SLC2A9: variants seen among roughly 807,000 people sequenced by gnomAD.
SLC2A9 encodes the protein solute carrier family 2 member 9.
In SLC2A9, 39 loss-of-function variants were observed where a neutral mutation model predicts 50.6. The ratio of observed to expected loss-of-function variants is 0.77; its 90% CI spans 0.60 to 1.01. The LOEUF (loss-of-function observed/expected upper bound fraction) is 1.01. Among genes scored for constraint, SLC2A9 ranks in the 50% least tolerant of loss-of-function variants. The probability of loss-of-function intolerance (pLI) is 0.00; values close to 1 mark genes in which losing one functional copy is unlikely to be tolerated. For synonymous variants in SLC2A9, 324 were observed against 276.9 expected (o/e 1.17, Z -1.69); for missense variants, 686 against 677.6 (o/e 1.01, Z -0.14).
intron 2 of SLC2A9, among the ~76,000 whole-genome samples, chr4:10,013,916 C>T (rs532564200): frequency 2.6e-5 from 4 of 152,178 alleles, no homozygotes; most frequent in East Asian, 3.9e-4. Context: ...TCCCATGGGG[C>T]AGCATCCACA....
At chr4:9,782,010 CCCCTGCAGTCCAG>C (rs1198285048) in intron 3 of SLC2A9, 1 of 1,443,806 alleles carries the variant, frequency 6.9e-7, no homozygotes, top group African/African-American at 1.4e-5. Context: ...GCACAGACCG[CCCCTGCAGTCCAG>C]CCCGAAATGC....
intron 1 of SLC2A9, among the ~76,000 whole-genome samples, chr4:9,771,923 A>G (rs992313796): frequency 5.9e-5 from 9 of 152,168 alleles, no homozygotes; most frequent in Admixed American, 1.3e-4. Context: ...ACAGCGTTGG[A>G]ATGGGTGGAA....
Position 9,908,288 on chromosome 4 carries a change from G to A in SLC2A9, c.1060C>T (p.Pro354Ser). The change falls in exon 8 of 12, where the codon CCA (proline) becomes TCA (serine). Residue 354 changes from proline (P) to serine (S), a missense_variant. By Grantham distance (74) the Pro-to-Ser change is moderately conservative. Transcript: ENST00000264784. ...GKAGIPPAKI[P>S]YVTLSTGGIE... ...CCCCCTGTACTCAAGGTGACGTATG[G>A]GATCTTTGCCGGAGGGATCCCAGCT... is the stretch of plus-strand genomic sequence containing the variant. 6.2e-7 allele frequency: 1 copy of A among 1,614,094 alleles called. No homozygotes were observed. The highest frequency in any genetic ancestry group is 8.5e-7 in the Non-Finnish European group (1 of 1,179,978).
chr4:9,785,890 G>T (rs1719159006), intron 3 of SLC2A9, among the ~76,000 whole-genome samples: 1 of 152,202 alleles, frequency 6.6e-6, no homozygotes, highest in Non-Finnish European at 1.5e-5. Context: ...AACCCAGGGT[G>T]AGTAGGGTGG....
chr4:9,918,901 C>T (rs1743389537), intron 7 of SLC2A9, among the ~76,000 whole-genome samples: 1 of 152,186 alleles, frequency 6.6e-6, no homozygotes, highest in Non-Finnish European at 1.5e-5. Flanking sequence ...GGCCTCATGA[C>T]TGCTGGCTTT....
At chr4:9,804,997 C>A (rs1721935368) in intron 3 of SLC2A9, among the ~76,000 whole-genome samples, 1 of 152,150 alleles carries the variant, frequency 6.6e-6, no homozygotes, top group African/African-American at 2.4e-5. Context: ...ATGATGGGGC[C>A]CCAGGGGAAA....
At chr4:10,020,039 AGTGTGTGT>A (rs112964589) in intron 1 of SLC2A9, among the ~76,000 whole-genome samples, 2,190 of 148,070 alleles carry the variant, frequency 0.015, 24 homozygotes, top group African/African-American at 0.033. Flanking sequence ...CATATTTGTG[AGTGTGTGT>A]GTGTGTGTGT....
rs190407428 is a variant in SLC2A9, at chr4:9,915,628, G to A, written c.1002+4757C>T. ...GGAGGAGTCATGACAACTTGTCCAA[G>A]ATCCCATAACTCAAAAGTTCAATGT... On this transcript the variant is annotated intron_variant, in intron 7 of 11. Transcript: ENST00000264784. 4.6e-5 allele frequency among the ~76,000 whole-genome samples: 7 copies of A among 152,264 alleles called. No individual in the cohort carries two copies. The East Asian group carries it at 9.7e-4, about 21-fold the overall frequency.
chr4:9,813,907 C>A (rs1238924537), intron 3 of SLC2A9, among the ~76,000 whole-genome samples: 1 of 151,710 alleles, frequency 6.6e-6, no homozygotes, highest in Non-Finnish European at 1.5e-5. Flanking sequence ...ACCAGCCTGG[C>A]CAACAAGGTG....
chr4:9,851,976 G>C (rs1730003033), intron 10 of SLC2A9, among the ~76,000 whole-genome samples: 1 of 152,192 alleles, frequency 6.6e-6, no homozygotes, highest in African/African-American at 2.4e-5. Flanking sequence ...GGGAGAGAAA[G>C]CAAGCAACTT....
At chr4:9,948,869 G>A (rs1298115545) in intron 5 of SLC2A9, among the ~76,000 whole-genome samples, 1 of 152,170 alleles carries the variant, frequency 6.6e-6, no homozygotes, top group Admixed American at 6.5e-5. Context: ...CTCAACCTAA[G>A]ACACATCTAT....
chr4:9,989,566 T>C (rs1243602587), intron 3 of SLC2A9, among the ~76,000 whole-genome samples: 1 of 152,028 alleles, frequency 6.6e-6, no homozygotes, highest in Non-Finnish European at 1.5e-5. Flanking sequence ...TGCCTTCCCT[T>C]GTTTTCCAAC....
At chr4:9,790,936 A>C (rs73805853) in intron 3 of SLC2A9, among the ~76,000 whole-genome samples, 182 of 152,368 alleles carry the variant, frequency 1.2e-3, no homozygotes, top group African/African-American at 4.1e-3. Flanking sequence ...ACATCTAATT[A>C]TTCTCTAGAT....
chr4:9,780,054 A>C (rs1718123711), exon 4 of SLC2A9: 1 of 152,188 alleles, frequency 6.6e-6, no homozygotes, highest in Non-Finnish European at 1.5e-5. Context: ...GTGAAAGGAG[A>C]AGAAGCAGGA....
At chr4:9,876,302 G>C (rs62293285) in intron 10 of SLC2A9, among the ~76,000 whole-genome samples, 18,462 of 152,144 alleles carry the variant, frequency 0.12, 1,309 homozygotes, top group African/African-American at 0.17. Flanking sequence ...TCCATTCACA[G>C]AACTGCTTTT....
At chr4:9,961,438 A>G (rs1205889072) in intron 5 of SLC2A9, among the ~76,000 whole-genome samples, 2 of 152,214 alleles carry the variant, frequency 1.3e-5, no homozygotes, top group Non-Finnish European at 2.9e-5. Flanking sequence ...AACAAACCTG[A>G]CAAAAGCAAT....
At chr4:9,834,556 G>T (rs1726708922) in intron 11 of SLC2A9, among the ~76,000 whole-genome samples, 1 of 152,172 alleles carries the variant, frequency 6.6e-6, no homozygotes, top group Non-Finnish European at 1.5e-5. Flanking sequence ...GATGGAATTT[G>T]TCTTACACAG....
intron 3 of SLC2A9, among the ~76,000 whole-genome samples, chr4:9,787,379 T>C (rs1037220953): frequency 6.6e-6 from 1 of 152,232 alleles, no homozygotes; most frequent in Non-Finnish European, 1.5e-5. Context: ...TCTCACATAG[T>C]TTCAGACTTA....
At chr4:9,782,231 AGCC>A in intron 3 of SLC2A9, 1 of 1,613,230 alleles carries the variant, frequency 6.2e-7, no homozygotes, top group Non-Finnish European at 8.5e-7. Context: ...CATCGTGCGG[AGCC>A]GCCACCTGCG....
Sources: gnomAD v4.1 joint callset for allele counts (sites outside exome capture counted in the v4.1 genomes callset) on GRCh38, gnomAD v4.1.1 for gene constraint, MANE v1.5 for transcripts, NCBI Gene and HGNC (gene_info 2026-07-23, HGNC 2026-07-21) for gene names.